Variants in NRXN1 observed in about 807,000 individuals in gnomAD.
NRXN1 encodes the protein neurexin-1.
Under a neutral mutation model 150.9 loss-of-function variants are expected in NRXN1, and 39 were observed. The observed-to-expected ratio is 0.26, with a 90% CI of 0.20 to 0.34. The LOEUF is 0.34. Ranked by LOEUF, NRXN1 falls within the 10% of genes least tolerant of loss-of-function variation. The probability of loss-of-function intolerance (pLI) is 1.00; values close to 1 mark genes in which losing one functional copy is unlikely to be tolerated. For missense variants in NRXN1, 1,815 were observed against 1,949.9 expected (o/e 0.93, Z 1.30); for synonymous variants, 924 against 757.0 (o/e 1.22, Z -3.62).
At chr2:50,414,664 C>T (rs2083415276) in intron 17 of NRXN1, among the ~76,000 whole-genome samples, 1 of 151,570 alleles carries the variant, frequency 6.6e-6, no homozygotes, top group South Asian at 2.1e-4. Context: ...TGTAGTAAGT[C>T]CCTCGGAAAA....
chr2:50,006,665 C>T (rs909103409), intron 21 of NRXN1, among the ~76,000 whole-genome samples: 1 of 152,162 alleles, frequency 6.6e-6, no homozygotes, highest in Middle Eastern at 3.2e-3. Flanking sequence ...AATGCCTCTT[C>T]CACAATGATG....
chr2:50,668,947 T>A (rs1414303754), intron 5 of NRXN1, among the ~76,000 whole-genome samples: 1 of 151,922 alleles, frequency 6.6e-6, no homozygotes, highest in Non-Finnish European at 1.5e-5. Flanking sequence ...TTTTTCAGTG[T>A]CGAAATAAAA....
At chr2:49,990,799 C>A (rs938453749) in intron 21 of NRXN1, among the ~76,000 whole-genome samples, 1 of 152,090 alleles carries the variant, frequency 6.6e-6, no homozygotes, top group Non-Finnish European at 1.5e-5. Flanking sequence ...TGAAAGAATA[C>A]CTTTTGTAGC....
At chr2:50,922,743 G>A (rs1460038561) in intron 3 of NRXN1, 56 bp from the exon 4 acceptor site, 2 of 1,562,018 alleles carry the variant, frequency 1.3e-6, no homozygotes, top group African/African-American at 1.4e-5. Flanking sequence ...GGGAAGGCAG[G>A]GTTGTCACGG....
chr2:50,528,659 G>A lies in NRXN1; in HGVS notation c.2348-8C>T. The A allele has an allele frequency of 6.5e-7, 1 of 1,540,702 alleles. No homozygotes were observed. On this transcript the variant is annotated splice_region_variant and splice_polypyrimidine_tract_variant and intron_variant, in intron 11 of 22. Transcript: ENST00000401669. ...AGTTAATCCTGATACAATCTAGATG[G>A]GGAAGAATAGATGAAAAATGAAAAT... is the stretch of plus-strand genomic sequence containing the variant.
intron 5 of NRXN1, among the ~76,000 whole-genome samples, chr2:50,683,654 T>A (rs1261367923): frequency 0.02 from 534 of 26,904 alleles, 10 homozygotes; most frequent in African/African-American, 0.073. Context: ...AAAATATATA[T>A]ATATATATAT....
chr2:50,166,279 ATGTGTGTGTG>A (rs70946894), intron 18 of NRXN1, among the ~76,000 whole-genome samples: 1,332 of 131,614 alleles, frequency 0.01, 12 homozygotes, highest in Middle Eastern at 0.033. Context: ...TACTCAACGT[ATGTGTGTGTG>A]TGTGTGTGTG....
chr2:50,258,203 C>T (rs1311225426), intron 17 of NRXN1, among the ~76,000 whole-genome samples: 2 of 151,990 alleles, frequency 1.3e-5, no homozygotes, highest in African/African-American at 4.8e-5. Flanking sequence ...AAGTTTTCTC[C>T]ATAGCATACA....
chr2:50,446,050 T>G (rs749018523), intron 17 of NRXN1, among the ~76,000 whole-genome samples: 13 of 151,972 alleles, frequency 8.6e-5, no homozygotes, highest in African/African-American at 2.9e-4. Context: ...CTGTATTGTA[T>G]CATATTATTC....
chr2:50,243,609 A>T (rs927806771), intron 17 of NRXN1, among the ~76,000 whole-genome samples: 1 of 151,786 alleles, frequency 6.6e-6, no homozygotes, highest in Non-Finnish European at 1.5e-5. Flanking sequence ...ACCAATCATA[A>T]ATTTGGTTCA....
intron 21 of NRXN1, chr2:50,023,074 G>A (rs1374670555): frequency 6.6e-6 from 1 of 152,170 alleles, no homozygotes; most frequent in Middle Eastern, 3.2e-3. Flanking sequence ...TGAAGATAGT[G>A]ATTTGCAGCA....
intron 17 of NRXN1, among the ~76,000 whole-genome samples, chr2:50,335,391 C>T (rs2077113026): frequency 6.6e-6 from 1 of 152,134 alleles, no homozygotes; most frequent in African/African-American, 2.4e-5. Flanking sequence ...GTTTCTCTTA[C>T]CGAAATCTCT....
At chr2:50,040,594 G>T (rs1208338464) in intron 21 of NRXN1, among the ~76,000 whole-genome samples, 1 of 152,028 alleles carries the variant, frequency 6.6e-6, no homozygotes, top group African/African-American at 2.4e-5. Flanking sequence ...AAGACTGGGA[G>T]TGATGAGGGG....
chr2:50,968,003 T>C (rs1168656190), intron 2 of NRXN1, among the ~76,000 whole-genome samples: 2 of 152,038 alleles, frequency 1.3e-5, no homozygotes, highest in Non-Finnish European at 2.9e-5. Flanking sequence ...AACTTTTTAT[T>C]TTAGGATATG....
chr2:50,157,757 G>A (rs1178067710), intron 18 of NRXN1, among the ~76,000 whole-genome samples: 2 of 151,992 alleles, frequency 1.3e-5, no homozygotes, highest in East Asian at 1.9e-4. Context: ...AGTCTGTAGT[G>A]AGAAAAGTTT....
At chr2:50,757,009 T>C (rs1701223430) in intron 5 of NRXN1, among the ~76,000 whole-genome samples, 1 of 151,900 alleles carries the variant, frequency 6.6e-6, no homozygotes, top group African/African-American at 2.4e-5. Flanking sequence ...CATGGTATAC[T>C]AATGTGAGAA....
intron 18 of NRXN1, among the ~76,000 whole-genome samples, chr2:50,131,370 A>G (rs143964479): frequency 6.2e-4 from 94 of 152,288 alleles, no homozygotes; most frequent in African/African-American, 2.2e-3. Flanking sequence ...AATGAATTAG[A>G]GTTTTCTTTG....
At chr2:50,389,813 C>G (rs548333513) in intron 17 of NRXN1, among the ~76,000 whole-genome samples, 1 of 152,198 alleles carries the variant, frequency 6.6e-6, no homozygotes, top group East Asian at 1.9e-4. Context: ...ATATACATAT[C>G]GTTAAAAAAG....
At chr2:50,090,353 T>G (rs2152695654) in intron 19 of NRXN1, among the ~76,000 whole-genome samples, 1 of 152,262 alleles carries the variant, frequency 6.6e-6, no homozygotes, top group South Asian at 2.1e-4. Context: ...AAATTTTGAT[T>G]ATTATTTTTA....
Sources: allele counts gnomAD v4.1 joint callset (sites outside exome capture counted in the v4.1 genomes callset), GRCh38; gene constraint gnomAD v4.1.1; transcripts MANE v1.5; gene names NCBI Gene and HGNC (gene_info 2026-07-23, HGNC 2026-07-21).